DGKZ: variants seen among roughly 807,000 people sequenced by gnomAD.
The protein encoded by DGKZ is DAG kinase zeta.
DGKZ carries 45 observed loss-of-function variants against 142.5 expected under a neutral mutation model. That is an observed-to-expected ratio of 0.32 (90% confidence interval 0.25 to 0.40). The LOEUF is 0.40. Ranked by LOEUF, DGKZ falls within the 10% of genes least tolerant of loss-of-function variation. DGKZ has a pLI of 1.00. For missense variants in DGKZ, 755 were observed against 1,306.5 expected (o/e 0.58, Z 6.51); for synonymous variants, 442 against 527.0 (o/e 0.84, Z 2.21).
rs767760030 is a variant in DGKZ, at chr11:46,368,096, G to C, written c.444+17G>C. 6.2e-7 allele frequency: 1 copy of C among 1,613,882 alleles called. No individual in the cohort carries two copies. The highest frequency in any genetic ancestry group is 1.1e-5 in the South Asian group (1 of 91,080). ...CTGGAGAAGGTGGGTGGGTAGCTCA[G>C]CTTTGCCCGCCCCTGCCCTTTGGGT... is the stretch of plus-strand genomic sequence containing the variant. On this transcript the variant is annotated intron_variant, in intron 4 of 30. Transcript: ENST00000527911.
At chr11:46,377,913 G>A (rs377534092) in intron 25 of DGKZ, 1 of 520,978 alleles carries the variant, frequency 1.9e-6, no homozygotes, top group African/African-American at 1.9e-5. Flanking sequence ...CCCTCTGCAG[G>A]GGTGCCACAT....
upstream of DGKZ, among the ~76,000 whole-genome samples, chr11:46,344,283 C>T (rs79220171): frequency 3.9e-5 from 6 of 152,234 alleles, no homozygotes; most frequent in Non-Finnish European, 7.4e-5. Flanking sequence ...GTCTTCCCCA[C>T]TAGAATCTAA....
chr11:46,361,757 T>A, intron 1 of DGKZ: 2 of 793,658 alleles, frequency 2.5e-6, no homozygotes, highest in African/African-American at 3.8e-5. Context: ...TCCCTCTGTA[T>A]CTGGCTGGGT....
At chr11:46,354,157 A>G (rs1413822568) in intron 1 of DGKZ, among the ~76,000 whole-genome samples, 1 of 152,122 alleles carries the variant, frequency 6.6e-6, no homozygotes, top group Non-Finnish European at 1.5e-5. Flanking sequence ...TCCCTGGTAG[A>G]CCCAGGGAGC....
chr11:46,363,438 C>T (rs1432377629), intron 1 of DGKZ, among the ~76,000 whole-genome samples: 1 of 152,342 alleles, frequency 6.6e-6, no homozygotes, highest in East Asian at 1.9e-4. Flanking sequence ...CACTGCCGGC[C>T]TTGCCCACCC....
Position 46,347,516 on chromosome 11 carries a change from A to AGCGGGGGCGCGCGGC in DGKZ, c.-137_-123dup, listed in dbSNP as rs1940778764. The AGCGGGGGCGCGCGGC allele has an allele frequency of 2.0e-6, 2 of 980,706 alleles. No homozygotes were observed. Among genetic ancestry groups the AGCGGGGGCGCGCGGC allele is most frequent in the Non-Finnish European group, 2.4e-6 (2 of 828,720 alleles). 60.8% of individuals were successfully genotyped at this position (980,706 alleles called of 1,614,324 possible). On this transcript the variant is annotated 5_prime_UTR_variant, in exon 1 of 31. Transcript: ENST00000527911. The surrounding 1 kb of genome is among the most constrained non-coding windows in gnomAD (Gnocchi z 6.4). Reference sequence around the variant, plus strand: ...GCTTCCCGGGCACCTGGGCGTGGGGAGCGGGGGCGCGCGGCGCGGGGCGGG... The same window carrying AGCGGGGGCGCGCGGC: ...GCTTCCCGGGCACCTGGGCGTGGGGAGCGGGGGCGCGCGGCGCGGGGGCGCGCGGCGCGGGGCGGG...
chr11:46,354,480 GC>G (rs1941772769), intron 1 of DGKZ, among the ~76,000 whole-genome samples: 1 of 152,220 alleles, frequency 6.6e-6, no homozygotes, highest in Non-Finnish European at 1.5e-5. Context: ...ACAGGCCTGA[GC>G]CACTGTGCCC....
At chr11:46,374,656 T>A (rs1565073809) in exon 17 of DGKZ, 1 of 1,582,982 alleles carries the variant, frequency 6.3e-7, no homozygotes, top group Non-Finnish European at 8.6e-7. Flanking sequence ...GCCAAGCACA[T>A]CCGAGTGGTG....
At chr11:46,375,885 G>C (rs769018526) in exon 21 of DGKZ, 1 of 1,579,132 alleles carries the variant, frequency 6.3e-7, no homozygotes, top group Non-Finnish European at 8.6e-7. Flanking sequence ...GCGCATCCAG[G>C]TGAGTCGCGT....
In DGKZ at chr11:46,376,057, G is replaced by C; in HGVS notation, c.2012-9G>C. ...GCAGCCAGCTGCTGACAGGTGCTCT[G>C]TTCTCCAGCTGTGCCGCTGGGCACT... is the stretch of plus-strand genomic sequence containing the variant. On this transcript the variant is annotated splice_polypyrimidine_tract_variant and intron_variant, in intron 21 of 30. Transcript: ENST00000527911. 1 of 1,612,218 alleles carries C rather than the reference G, an allele frequency of 6.2e-7. No individual in the cohort carries two copies. Among genetic ancestry groups the C allele is most frequent in the Non-Finnish European group, 8.5e-7 (1 of 1,179,952 alleles).
chr11:46,380,139 C>A (rs1945054607), exon 31 of DGKZ: 4 of 579,006 alleles, frequency 6.9e-6, no homozygotes, highest in Admixed American at 6.7e-5. Flanking sequence ...CTCACCTGTT[C>A]CCCTGAGGAC....
chr11:46,364,236 C>T (rs1444434005), intron 1 of DGKZ: 2 of 662,884 alleles, frequency 3.0e-6, no homozygotes, highest in Non-Finnish European at 4.8e-6. Flanking sequence ...GCCGTGGACT[C>T]TAGGCGGTCA....
chr11:46,350,116 G>A (rs1941182025), intron 1 of DGKZ, among the ~76,000 whole-genome samples: 1 of 152,214 alleles, frequency 6.6e-6, no homozygotes, highest in Non-Finnish European at 1.5e-5. Context: ...GGAGCACTGT[G>A]CTGGGGATAG....
At chr11:46,346,216 A>G (rs1418041904), upstream of DGKZ, among the ~76,000 whole-genome samples, 1 of 152,182 alleles carries the variant, frequency 6.6e-6, no homozygotes, top group Non-Finnish European at 1.5e-5. Context: ...GCGGCTGACT[A>G]AGGCTGGAAA....
Position 46,373,136 on chromosome 11 carries a change from G to A in DGKZ, c.1326+35G>A, listed in dbSNP as rs1373354611. ...CCAGGGTTGGTGGGGGGCAGGGCAG[G>A]TGACTGGGGACTGGATCCCACTTTT... On this transcript the variant is annotated intron_variant, in intron 14 of 30. Coordinates refer to ENST00000527911, the Ensembl canonical transcript of DGKZ. The A allele has an allele frequency of 9.9e-6, 15 of 1,518,116 alleles. No individual in the cohort carries two copies. In the Middle Eastern group the frequency reaches 5.2e-4, roughly 53 times the overall value. 94.0% of individuals were successfully genotyped at this position (1,518,116 alleles called of 1,614,324 possible).
At chr11:46,343,837 C>T (rs939023395), upstream of DGKZ, among the ~76,000 whole-genome samples, 4 of 152,184 alleles carry the variant, frequency 2.6e-5, no homozygotes, top group Non-Finnish European at 5.9e-5. Context: ...CCCATTCATT[C>T]AGGTCTGCTC....
rs375898324 is a variant in DGKZ at position 46,367,952 on chromosome 11, C to T, written c.367-50C>T. 1.0e-5 allele frequency: 16 copies of T among 1,603,398 alleles called. No homozygotes were observed. The highest frequency in any genetic ancestry group is 4.0e-5 in the African/African-American group (3 of 74,654). ...CAGCTGTGCTGGGGCAGGCAGCCTC[C>T]GAGATAGACTTACCTGGTGCCTCAG... On this transcript the variant is annotated intron_variant, in intron 3 of 30. Transcript: ENST00000527911. This position sits in a 1 kb window ranked among gnomAD's most constrained non-coding sequence, Gnocchi z 4.1.
chr11:46,337,334 C>T (rs1438956030), intron 1 of DGKZ, among the ~76,000 whole-genome samples: 4 of 119,980 alleles, frequency 3.3e-5, no homozygotes, highest in South Asian at 2.6e-4. Flanking sequence ...CTCACTCTGT[C>T]GCCCAGGCTG....
chr11:46,347,513 GGGAGCGGGGGCGCGCGGCGCGGGGCGGGC>G lies in DGKZ; in HGVS notation c.-140_-112del, dbSNP rs1298264818. 1.1e-5 allele frequency: 11 copies of G among 982,220 alleles called. 1 individual carries two copies. The highest frequency in any genetic ancestry group is 6.3e-5 in the Admixed American group (1 of 15,818). 60.8% of individuals were successfully genotyped at this position (982,220 alleles called of 1,614,324 possible). A position where few individuals can be genotyped will look rare whatever the true frequency, so the allele number is the denominator to read the frequency against. ...GCGGCTTCCCGGGCACCTGGGCGTGGGGAGCGGGGGCGCGCGGCGCGGGGCGGGCGGAGCGAGCGCGCGCCATGGAGGTG... is the reference window on the plus strand; with the variant it reads ...GCGGCTTCCCGGGCACCTGGGCGTGGGGAGCGAGCGCGCGCCATGGAGGTG... On this transcript the variant is annotated 5_prime_UTR_variant, in exon 1 of 31. Transcript: ENST00000527911. This position sits in a 1 kb window ranked among gnomAD's most constrained non-coding sequence, Gnocchi z 6.4.
Sources: gnomAD v4.1 joint callset for allele counts (sites outside exome capture counted in the v4.1 genomes callset) on GRCh38, gnomAD v4.1.1 for gene constraint, Gnocchi (gnomAD v3.1) non-coding constraint, MANE v1.5 for transcripts, NCBI Gene and HGNC (gene_info 2026-07-23, HGNC 2026-07-21) for gene names.